The following RUSC2 variants were observed in gnomAD, a reference collection of about 807,000 sequenced individuals.
RUSC2 encodes RUN and SH3 domain containing 2.
In RUSC2, 34 loss-of-function variants were observed where a neutral mutation model predicts 122.2. The ratio of observed to expected loss-of-function variants is 0.28; its 90% confidence interval spans 0.21 to 0.37. The LOEUF is 0.37. Ranked by LOEUF, RUSC2 falls within the 10% of genes least tolerant of loss-of-function variation. The pLI is 1.00. For missense variants in RUSC2, 1,747 were observed against 1,952.4 expected (o/e 0.89, Z 1.98); for synonymous variants, 784 against 790.0 (o/e 0.99, Z 0.13).
At chr9:35,542,471 AAC>A (rs1290561726) in intron 1 of RUSC2, among the ~76,000 whole-genome samples, 2 of 152,340 alleles carry the variant, frequency 1.3e-5, no homozygotes, top group African/African-American at 4.8e-5. Context: ...TTTATCAAAA[AAC>A]ACAGTTAAGA....
intron 1 of RUSC2, among the ~76,000 whole-genome samples, chr9:35,491,630 C>G (rs1820569868): frequency 6.6e-6 from 1 of 152,162 alleles, no homozygotes; most frequent in South Asian, 2.1e-4. Context: ...CGCTTTCTGT[C>G]TCCCACCCTC....
chr9:35,550,365 C>G (rs1298607066), intron 2 of RUSC2, among the ~76,000 whole-genome samples: 1 of 152,020 alleles, frequency 6.6e-6, no homozygotes, highest in Non-Finnish European at 1.5e-5. Context: ...GTGACTCATA[C>G]CTATAGTCCC....
chr9:35,524,096 G>A (rs1821274197), intron 1 of RUSC2, among the ~76,000 whole-genome samples: 1 of 152,132 alleles, frequency 6.6e-6, no homozygotes, highest in African/African-American at 2.4e-5. Flanking sequence ...GGCTGAGGTG[G>A]GTGGATCACT....
rs181386822 is a variant in RUSC2, at chr9:35,497,101, C to G, written c.-93+6929C>G. Among the ~76,000 whole-genome samples, 3 of 152,308 alleles carry G rather than the reference C, an allele frequency of 2.0e-5. 1 individual carries two copies. The highest frequency in any genetic ancestry group is 6.5e-5 in the Admixed American group (1 of 15,298). ...GTAAAGTTTGACGATCTGCACCTCT[C>G]CTGTCCTTCCCCTTAGAGAGTGAGT... On this transcript the variant is annotated intron_variant, in intron 1 of 11. Transcript: ENST00000361226.
Position 35,560,768 on chromosome 9 carries a change from C to A in RUSC2, c.4128C>A (p.Ala1376=). Residue 1376 remains alanine, a synonymous_variant, in exon 10 of 12, where the codon GCC becomes GCA. Coordinates refer to ENST00000361226, the MANE Select transcript of RUSC2 (RefSeq NM_014806.5). ...AASPAENEEG[A]SEPSPGGIKW... ...CGCCAGCAGAAAATGAGGAAGGGGC[C>A]TCAGAGCCTTCACCTGGAGGCATCA... The A allele has an allele frequency of 6.5e-7, 1 of 1,538,006 alleles. No homozygotes were observed.
chr9:35,490,116 A>ACGCCGCCGC lies in RUSC2; in HGVS notation c.-134_-126dup, dbSNP rs139160591. ...CAACGCGACCCCTGGAGGGCGAGAC[A>ACGCCGCCGC]CGCCGCCGCCGCCGCCGCCGCCGGC... On this transcript the variant is annotated 5_prime_UTR_variant, in exon 1 of 12. Coordinates refer to ENST00000361226, the MANE Select transcript of RUSC2 (RefSeq NM_014806.5). The ACGCCGCCGC allele has an allele frequency of 8.7e-4, 135 of 154,496 alleles. No homozygotes were observed. The highest frequency in any genetic ancestry group is 3.2e-3 in the African/African-American group (126 of 39,918). The allele number at this position is 154,496 out of a possible 1,614,324, so 9.6% of individuals were successfully genotyped here.
intron 1 of RUSC2, among the ~76,000 whole-genome samples, chr9:35,494,528 T>A (rs1820635651): frequency 6.6e-6 from 1 of 152,184 alleles, no homozygotes; most frequent in African/African-American, 2.4e-5. Flanking sequence ...TTTTGATTCA[T>A]ATTTCTCTAA....
In RUSC2 at chr9:35,546,713, C is replaced by T. The variant is rs1411566126; in HGVS notation, c.192C>T (p.Ser64=). The change falls in exon 2 of 12, where the codon TCC becomes TCT. Residue 64 remains serine (S), a synonymous_variant. Coordinates refer to ENST00000361226, the MANE Select transcript of RUSC2 (RefSeq NM_014806.5). This position sits in a 1 kb window ranked among gnomAD's most constrained non-coding sequence, Gnocchi z 4.3. ...ATCAAGACCTAGGACAAGCTGACTC[C>T]CTGCTATTCAGCAGCCTGCACTCTA... ...QPDQDLGQAD[S]LLFSSLHSTP... 2 of 1,560,602 alleles carry T rather than the reference C, an allele frequency of 1.3e-6. No homozygotes were observed. Among genetic ancestry groups the T allele is most frequent in the Admixed American group, 3.8e-5 (2 of 52,558 alleles).
At chr9:35,554,936 C>G in intron 2 of RUSC2, 124 bp from the exon 3 acceptor site, 2 of 1,086,378 alleles carry the variant, frequency 1.8e-6, no homozygotes, top group Non-Finnish European at 2.7e-6. Context: ...CGAACTTCTA[C>G]CCCATTCAAT....
At chr9:35,542,762 C>T (rs112888828) in intron 1 of RUSC2, among the ~76,000 whole-genome samples, 1,762 of 152,324 alleles carry the variant, frequency 0.012, 14 homozygotes, top group Non-Finnish European at 0.015. Context: ...TCAGTGCCCT[C>T]CAGCCAAGGG....
Position 35,546,630 on chromosome 9 carries a change from G to T in RUSC2, c.109G>T (p.Gly37Cys). Residue 37 changes from glycine to cysteine, a missense_variant, in exon 2 of 12, where the codon GGT becomes TGT. Transcript: ENST00000361226. This position sits in a 1 kb window ranked among gnomAD's most constrained non-coding sequence, Gnocchi z 4.3. ...RQCCGGAGGG[G>C]GSTRPNPFCP... ...GTGCTGTGGAGGGGCAGGTGGAGGT[G>T]GTGGGAGCACAAGACCTAATCCCTT... 1 of 1,566,356 alleles carries T rather than the reference G, an allele frequency of 6.4e-7. No individual in the cohort carries two copies. The highest frequency in any genetic ancestry group is 1.2e-5 in the South Asian group (1 of 81,910).
intron 1 of RUSC2, among the ~76,000 whole-genome samples, chr9:35,513,099 A>G (rs10814248): frequency 0.17 from 26,215 of 152,190 alleles, 2,427 homozygotes; most frequent in Admixed American, 0.26. Flanking sequence ...GATGACTGCT[A>G]AGAAGCAGAA....
At chr9:35,552,680 T>C (rs548463888) in intron 2 of RUSC2, among the ~76,000 whole-genome samples, 22 of 152,342 alleles carry the variant, frequency 1.4e-4, no homozygotes, top group African/African-American at 4.3e-4. Flanking sequence ...TGGTATTCCA[T>C]TGAGTTCTGG....
intron 1 of RUSC2, among the ~76,000 whole-genome samples, chr9:35,502,821 G>A (rs1820841085): frequency 6.6e-6 from 1 of 151,888 alleles, no homozygotes; most frequent in African/African-American, 2.4e-5. Flanking sequence ...GACACAGGTG[G>A]TTTTTTTGGT....
chr9:35,547,709 C>T lies in RUSC2; in HGVS notation c.1188C>T (p.Tyr396=). The change falls in exon 2 of 12, where the codon TAC becomes TAT. Residue 396 remains tyrosine (Y), a synonymous_variant. Transcript: ENST00000361226. This position sits in a 1 kb window ranked among gnomAD's most constrained non-coding sequence, Gnocchi z 4.6. ...QARLVVATQN[Y]YKLVTCDLSS... ...GTCTTGTTGTGGCCACACAAAATTA[C>T]TATAAACTTGTCACCTGTGACCTAT... 1 of 1,614,160 alleles carries T rather than the reference C, an allele frequency of 6.2e-7. No individual in the cohort carries two copies. The highest frequency in any genetic ancestry group is 1.7e-5 in the Admixed American group (1 of 60,024).
At position 35,555,539 on chromosome 9, in the gene RUSC2, C is replaced by T; in HGVS notation, c.2494C>T (p.Gln832Ter). ...PSAVRPATSQ[Q>*]PQKEDQKILT... is the part of the protein sequence containing the mutation. ...TGCTGTCCGGCCTGCCACCTCCCAG[C>T]AGCCGCAGAAGGAGGATCAGAAGAT... Residue 832 changes from glutamine to a stop codon, truncating the protein, a stop_gained, in exon 3 of 12, where the codon CAG becomes TAG. Coordinates refer to ENST00000361226, the MANE Select transcript of RUSC2 (RefSeq NM_014806.5). LOFTEE classifies it high-confidence loss of function. The surrounding 1 kb of genome is among the most constrained non-coding windows in gnomAD (Gnocchi z 4.6). 6.2e-7 allele frequency: 1 copy of T among 1,614,152 alleles called. No homozygotes were observed. The highest frequency in any genetic ancestry group is 8.5e-7 in the Non-Finnish European group (1 of 1,180,024).
At chr9:35,535,119 GCTT>G (rs1373206429) in intron 1 of RUSC2, among the ~76,000 whole-genome samples, 1 of 151,886 alleles carries the variant, frequency 6.6e-6, no homozygotes, top group East Asian at 1.9e-4. Flanking sequence ...TGTTGCCTAA[GCTT>G]CTTTTTTTTA....
chr9:35,555,941 T>C lies in RUSC2; in HGVS notation c.2657-11T>C, dbSNP rs750703264. 6.2e-7 allele frequency: 1 copy of C among 1,613,290 alleles called. No homozygotes were observed. Among genetic ancestry groups the C allele is most frequent in the Non-Finnish European group, 8.5e-7 (1 of 1,179,462 alleles). On this transcript the variant is annotated splice_polypyrimidine_tract_variant and intron_variant, in intron 3 of 11. Coordinates refer to ENST00000361226, the MANE Select transcript of RUSC2 (RefSeq NM_014806.5). This position sits in a 1 kb window ranked among gnomAD's most constrained non-coding sequence, Gnocchi z 4.6. ...AACTCTTGTCTTTCTGCTAATCTGTTCTGCTTCCAGCCAACCACCTATCCC... is the reference window on the plus strand; with the variant it reads ...AACTCTTGTCTTTCTGCTAATCTGTCCTGCTTCCAGCCAACCACCTATCCC...
intron 1 of RUSC2, among the ~76,000 whole-genome samples, chr9:35,534,834 G>A: frequency 6.6e-6 from 1 of 152,100 alleles, no homozygotes; most frequent in East Asian, 1.9e-4. Flanking sequence ...AGTTGTAAGT[G>A]TTTTTAAATA....
Sources: allele counts gnomAD v4.1 joint callset (sites outside exome capture counted in the v4.1 genomes callset), GRCh38; gene constraint gnomAD v4.1.1; non-coding constraint Gnocchi (gnomAD v3.1); transcripts MANE v1.5; gene names NCBI Gene and HGNC (gene_info 2026-07-23, HGNC 2026-07-21).